Variants in MBNL2 observed in about 807,000 individuals in gnomAD.
MBNL2 encodes the protein muscleblind-like protein 2.
Under a neutral mutation model 41.9 loss-of-function variants are expected in MBNL2, and 17 were observed. The ratio of observed to expected loss-of-function variants is 0.41; its 90% CI spans 0.28 to 0.61. The LOEUF (loss-of-function observed/expected upper bound fraction) is 0.61. MBNL2 is among the 20% of genes least tolerant of loss of function. The pLI, the probability that MBNL2 is intolerant of heterozygous loss-of-function variation, is 0.35. For synonymous variants in MBNL2, 195 were observed against 182.9 expected, an observed-to-expected ratio of 1.07 and a Z score of -0.53; for missense variants, 336 against 505.6, an observed-to-expected ratio of 0.66 and a Z score of 3.22.
chr13:97,329,636 A>ACAT (rs2060211249), intron 2 of MBNL2, among the ~76,000 whole-genome samples: 1 of 150,850 alleles, frequency 6.6e-6, no homozygotes. Context: ...CTAGACACAC[A>ACAT]ACACACACAC....
the MBNL2 span, among the ~76,000 whole-genome samples, chr13:97,188,918 C>T: frequency 1.3e-5 from 2 of 152,194 alleles, no homozygotes; most frequent in Non-Finnish European, 2.9e-5. Context: ...AACCGCTACA[C>T]CTTGACCCAC....
chr13:97,158,950 T>A, the MBNL2 span, among the ~76,000 whole-genome samples: 1 of 150,872 alleles, frequency 6.6e-6, no homozygotes, highest in Non-Finnish European at 1.5e-5. Context: ...CTGGGTATCC[T>A]TGTTGACTTT....
intron 2 of MBNL2, among the ~76,000 whole-genome samples, chr13:97,293,202 C>CA (rs1218698934): frequency 8.6e-5 from 13 of 152,008 alleles, no homozygotes; most frequent in East Asian, 3.8e-4. Flanking sequence ...AAATCTGCTA[C>CA]AAAAAATAGT....
At chr13:97,217,277 A>G (rs1488395414), upstream of MBNL2, among the ~76,000 whole-genome samples, 3 of 152,114 alleles carry the variant, frequency 2.0e-5, no homozygotes, top group Admixed American at 6.5e-5. Flanking sequence ...TAACCATTCA[A>G]CAACTATTCA....
chr13:97,318,844 T>A (rs1380358935), intron 2 of MBNL2, among the ~76,000 whole-genome samples: 3 of 152,236 alleles, frequency 2.0e-5, no homozygotes, highest in Non-Finnish European at 4.4e-5. Flanking sequence ...AAGTTAGTTC[T>A]GCCCACTGGG....
At chr13:97,331,402 C>T (rs903519745) in intron 2 of MBNL2, among the ~76,000 whole-genome samples, 1 of 152,198 alleles carries the variant, frequency 6.6e-6, no homozygotes, top group Non-Finnish European at 1.5e-5. Context: ...ATCCTCCTAC[C>T]AACGGATAGG....
At chr13:97,180,577 A>G in the MBNL2 span, among the ~76,000 whole-genome samples, 2 of 151,862 alleles carry the variant, frequency 1.3e-5, no homozygotes, top group East Asian at 3.9e-4. Context: ...CTACTAAAAA[A>G]TACAAAAACT....
chr13:97,263,810 A>T lies in MBNL2; in HGVS notation c.-604-11822A>T, dbSNP rs148698149. Among the ~76,000 whole-genome samples, 1,002 of 151,550 alleles carry T rather than the reference A, an allele frequency of 6.6e-3. 12 individuals carry two copies. Among genetic ancestry groups the T allele is most frequent in the African/African-American group, 0.023 (947 of 41,256 alleles). On this transcript the variant is annotated intron_variant, in intron 1 of 8. Transcript: ENST00000679496. ...TTTTTGTATTTTTAGTAGAGACGGG[A>T]TTTCATCATGTTGGCCAAGATGGTC... is the stretch of plus-strand genomic sequence containing the variant.
At chr13:97,324,587 T>C (rs2153046135) in intron 2 of MBNL2, among the ~76,000 whole-genome samples, 1 of 152,128 alleles carries the variant, frequency 6.6e-6, no homozygotes, top group African/African-American at 2.4e-5. Context: ...ACTAATAGGA[T>C]AGATGTATAT....
rs369564442 is a variant in MBNL2 at position 97,268,089 on chromosome 13, C to CTTCCTTCTTTCCTTCT, written c.-604-7536_-604-7535insTTTCCTTCTTTCCTTC. On this transcript the variant is annotated intron_variant, in intron 1 of 8. Coordinates refer to ENST00000679496, the MANE Select transcript of MBNL2 (RefSeq NM_001382683.1). This position sits in a 1 kb window ranked among gnomAD's most constrained non-coding sequence, Gnocchi z 4.6. ...TCTTTTTTCTTTCCTTCCTTCCTTC[C>CTTCCTTCTTTCCTTCT]TTCCTTCCTTCCTTTCTTTCTTTTG... is the stretch of plus-strand genomic sequence containing the variant. 3.3e-5 allele frequency among the ~76,000 whole-genome samples: 5 copies of CTTCCTTCTTTCCTTCT among 151,210 alleles called. No homozygotes were observed. The highest frequency in any genetic ancestry group is 1.2e-4 in the African/African-American group (5 of 41,134).
Position 97,375,918 on chromosome 13 carries a change from G to A in MBNL2, c.1048+10747G>A, listed in dbSNP as rs143198963. Among the ~76,000 whole-genome samples the A allele has an allele frequency of 3.9e-3, 592 of 152,252 alleles. 3 individuals are homozygous for A. Among genetic ancestry groups the A allele is most frequent in the African/African-American group, 0.013 (548 of 41,540 alleles). On this transcript the variant is annotated intron_variant, in intron 8 of 8. Transcript: ENST00000679496. ...GGGTGAGTGGGAGACACCAGGGAGC[G>A]TGAAGAGGAGGATATGGTGGGGCAG...
At chr13:97,325,807 C>A (rs796644332) in intron 2 of MBNL2, among the ~76,000 whole-genome samples, 2 of 152,280 alleles carry the variant, frequency 1.3e-5, no homozygotes, top group African/African-American at 4.8e-5. Flanking sequence ...ACCTACTTTG[C>A]CTTTCTTCCT....
At chr13:97,159,467 C>T in the MBNL2 span, among the ~76,000 whole-genome samples, 4 of 150,178 alleles carry the variant, frequency 2.7e-5, no homozygotes, top group South Asian at 2.1e-4. Context: ...TTTGCTCGTT[C>T]GTTGATGCAG....
the MBNL2 span, among the ~76,000 whole-genome samples, chr13:97,188,776 C>T: frequency 6.6e-6 from 1 of 152,188 alleles, no homozygotes; most frequent in Non-Finnish European, 1.5e-5. Flanking sequence ...AGTTCTCCAT[C>T]ACCTGATTCC....
intron 2 of MBNL2, among the ~76,000 whole-genome samples, chr13:97,288,064 A>G (rs980966847): frequency 6.6e-6 from 1 of 151,208 alleles, no homozygotes; most frequent in Admixed American, 6.6e-5. Flanking sequence ...ATGAGCCACC[A>G]TGCCCGGCCT....
intron 1 of MBNL2, among the ~76,000 whole-genome samples, chr13:97,240,964 C>T (rs962315445): frequency 6.6e-6 from 1 of 152,096 alleles, no homozygotes; most frequent in Non-Finnish European, 1.5e-5. Flanking sequence ...GGGCCAAACT[C>T]CTGAGCTTAA....
At chr13:97,148,481 T>C in the MBNL2 span, among the ~76,000 whole-genome samples, 7,500 of 152,290 alleles carry the variant, frequency 0.049, 263 homozygotes, top group South Asian at 0.077. Flanking sequence ...GATGTGTCAA[T>C]GTAGGTTCAT....
the MBNL2 span, among the ~76,000 whole-genome samples, chr13:97,175,348 G>A: frequency 1.3e-5 from 2 of 152,086 alleles, no homozygotes; most frequent in South Asian, 2.1e-4. Context: ...CTTATACAAC[G>A]AATCCTGACT....
chr13:97,244,996 C>T (rs1015038655), intron 1 of MBNL2, among the ~76,000 whole-genome samples: 1 of 151,808 alleles, frequency 6.6e-6, no homozygotes, highest in Admixed American at 6.6e-5. Context: ...TTAAGAAGTT[C>T]TTATTAATAA....
Sources: gnomAD v4.1 joint callset for allele counts (sites outside exome capture counted in the v4.1 genomes callset) on GRCh38, gnomAD v4.1.1 for gene constraint, Gnocchi (gnomAD v3.1) non-coding constraint, MANE v1.5 for transcripts, NCBI Gene and HGNC (gene_info 2026-07-23, HGNC 2026-07-21) for gene names.